Variants in NFAT5 observed in about 807,000 individuals in gnomAD.
NFAT5 encodes the protein nuclear factor of activated T cells 5, also known as nuclear factor of activated T-cells 5.
A neutral mutation model predicts 166.5 loss-of-function variants in NFAT5; 31 were observed. The ratio of observed to expected loss-of-function variants is 0.19; its 90% confidence interval spans 0.14 to 0.25. The LOEUF is 0.25. Ranked by LOEUF, NFAT5 falls within the 10% of genes least tolerant of loss-of-function variation. NFAT5 has a pLI of 1.00. For synonymous variants in NFAT5, 612 were observed against 639.7 expected (o/e 0.96, Z 0.65); for missense variants, 1,449 against 1,821.8 (o/e 0.80, Z 3.72).
chr16:69,616,054 C>T (rs1290289978), intron 2 of NFAT5, among the ~76,000 whole-genome samples: 1 of 152,106 alleles, frequency 6.6e-6, no homozygotes, highest in Non-Finnish European at 1.5e-5. Flanking sequence ...CTTCTGCTCC[C>T]TCAACCCCGA....
At position 69,568,494 on chromosome 16, in the gene NFAT5, G is replaced by T. The variant is rs200632318; in HGVS notation, c.74-1G>T. ...TACCTAATGCTTTTTGTGTTTTTCA[G>T]ATTCTCTGAAGTTACACCCATCACA... is the stretch of plus-strand genomic sequence containing the variant. On this transcript the variant is annotated splice_acceptor_variant, in intron 1 of 14. Coordinates refer to ENST00000349945, the MANE Select transcript of NFAT5 (RefSeq NM_138713.4). LOFTEE classifies it high-confidence loss of function. 92 of 1,611,400 alleles carry T rather than the reference G, an allele frequency of 5.7e-5. No individual in the cohort carries two copies. The East Asian group carries it at 2.0e-3, about 34-fold the overall frequency.
intron 10 of NFAT5, among the ~76,000 whole-genome samples, chr16:69,681,617 T>C (rs941713699): frequency 3.3e-5 from 5 of 152,080 alleles, no homozygotes; most frequent in Non-Finnish European, 5.9e-5. Flanking sequence ...AGGATAGTTG[T>C]ACAGAAAATC....
At chr16:69,640,659 G>A (rs1018391403) in intron 3 of NFAT5, among the ~76,000 whole-genome samples, 5 of 152,148 alleles carry the variant, frequency 3.3e-5, no homozygotes, top group South Asian at 2.1e-4. Context: ...AAGAAATAAC[G>A]AAGGTTGAAC....
chr16:69,680,719 TA>T (rs1164716979), intron 10 of NFAT5, among the ~76,000 whole-genome samples: 3 of 152,248 alleles, frequency 2.0e-5, no homozygotes, highest in African/African-American at 7.2e-5. Flanking sequence ...TACAGCTAAT[TA>T]GTCTTCCTGC....
At chr16:69,635,014 G>A (rs957627879) in intron 3 of NFAT5, among the ~76,000 whole-genome samples, 20 of 134,354 alleles carry the variant, frequency 1.5e-4, no homozygotes, top group South Asian at 2.4e-4. Context: ...AACCTCCTTT[G>A]TTAGTAAAGT....
At chr16:69,592,270 G>A (rs2032512712) in intron 2 of NFAT5, among the ~76,000 whole-genome samples, 1 of 151,800 alleles carries the variant, frequency 6.6e-6, no homozygotes, top group South Asian at 2.1e-4. Context: ...AGTAGAGACG[G>A]GGTTTCACCA....
In NFAT5 at chr16:69,692,776, C is replaced by A. The variant is rs2037599611; in HGVS notation, c.2951C>A (p.Thr984Asn). 6.2e-7 allele frequency: 1 copy of A among 1,614,210 alleles called. No homozygotes were observed. The highest frequency in any genetic ancestry group is 8.5e-7 in the Non-Finnish European group (1 of 1,180,032). ...CCTCCTGCAGTTTCTGGAAATGAAACTTCTACAACTACCACACAGCAGGTT... is the reference window on the plus strand; with the variant it reads ...CCTCCTGCAGTTTCTGGAAATGAAAATTCTACAACTACCACACAGCAGGTT... ...SSPPAVSGNE[T>N]STTTTQQVAT... The change falls in exon 13 of 15, where the codon ACT becomes AAT. Residue 984 changes from threonine to asparagine, a missense_variant. Transcript: ENST00000349945.
chr16:69,613,839 C>T (rs1019320197), intron 2 of NFAT5, among the ~76,000 whole-genome samples: 3 of 151,964 alleles, frequency 2.0e-5, no homozygotes, highest in African/African-American at 7.3e-5. Context: ...GTATTGTGTC[C>T]CTAGATCAGT....
chr16:69,566,378 A>G lies in NFAT5; in HGVS notation c.73+4A>G. ...CCCAAGTCCCTCTACTCGCGAGGTG[A>G]GTCAGGCTGTGGGGGGTGGGGCGTG... On this transcript the variant is annotated splice_donor_region_variant and intron_variant, in intron 1 of 14. Transcript: ENST00000349945. This position sits in a 1 kb window ranked among gnomAD's most constrained non-coding sequence, Gnocchi z 5.7. 1 of 1,219,896 alleles carries G rather than the reference A, an allele frequency of 8.2e-7. No individual in the cohort carries two copies. The highest frequency in any genetic ancestry group is 1.2e-6 in the Non-Finnish European group (1 of 845,798). The allele number at this position is 1,219,896 out of a possible 1,614,324, so 75.6% of individuals were successfully genotyped here.
chr16:69,666,821 G>A (rs933839970), intron 7 of NFAT5, among the ~76,000 whole-genome samples: 2 of 151,618 alleles, frequency 1.3e-5, no homozygotes, highest in Non-Finnish European at 1.5e-5. Flanking sequence ...CCCATTACTG[G>A]GTATATACCC....
At chr16:69,638,080 A>C (rs2035043504) in intron 3 of NFAT5, among the ~76,000 whole-genome samples, 1 of 152,086 alleles carries the variant, frequency 6.6e-6, no homozygotes, top group Non-Finnish European at 1.5e-5. Context: ...TTATCTGGGC[A>C]TGGTGGCAGG....
At chr16:69,661,756 T>C (rs2036155707) in intron 7 of NFAT5, among the ~76,000 whole-genome samples, 1 of 152,088 alleles carries the variant, frequency 6.6e-6, no homozygotes, top group Admixed American at 6.6e-5. Context: ...CAATTGATGA[T>C]TTGTTTTTGG....
chr16:69,631,588 G>A (rs142694067), intron 3 of NFAT5, among the ~76,000 whole-genome samples: 174 of 152,106 alleles, frequency 1.1e-3, no homozygotes, highest in African/African-American at 4.1e-3. Context: ...CTTTTTAGAA[G>A]TAACAGTACA....
chr16:69,580,724 C>T (rs2031621701), intron 2 of NFAT5, among the ~76,000 whole-genome samples: 2 of 152,026 alleles, frequency 1.3e-5, no homozygotes, highest in East Asian at 1.9e-4. Flanking sequence ...GGCATGATCT[C>T]GGCTCGCTGC....
At chr16:69,659,564 A>G (rs1342036805) in intron 6 of NFAT5, among the ~76,000 whole-genome samples, 163 bp from the exon 7 acceptor site, 1 of 152,250 alleles carries the variant, frequency 6.6e-6, no homozygotes, top group African/African-American at 2.4e-5. Flanking sequence ...GTGAATGTTT[A>G]GAATTTACCC....
chr16:69,679,570 A>G (rs1314174676), intron 10 of NFAT5, among the ~76,000 whole-genome samples: 3 of 151,884 alleles, frequency 2.0e-5, no homozygotes, highest in Non-Finnish European at 4.4e-5. Context: ...AGCCAAGATC[A>G]CACCACTATA....
At chr16:69,615,256 C>T (rs983995744) in intron 2 of NFAT5, among the ~76,000 whole-genome samples, 2 of 152,124 alleles carry the variant, frequency 1.3e-5, no homozygotes, top group Non-Finnish European at 2.9e-5. Flanking sequence ...GGCCAGGCTG[C>T]TCTCGAACTT....
intron 2 of NFAT5, among the ~76,000 whole-genome samples, chr16:69,569,521 G>C (rs572135016): frequency 6.6e-6 from 1 of 152,184 alleles, no homozygotes; most frequent in African/African-American, 2.4e-5. Context: ...CCGGGATAGT[G>C]GGGGGCAAGT....
At position 69,586,151 on chromosome 16, in the gene NFAT5, T is replaced by G. The variant is rs1018414787; in HGVS notation, c.127+17603T>G. 1.1e-4 allele frequency among the ~76,000 whole-genome samples: 16 copies of G among 152,290 alleles called. 2 individuals are homozygous for G. The highest frequency in any genetic ancestry group is 3.9e-4 in the East Asian group (2 of 5,168). On this transcript the variant is annotated intron_variant, in intron 2 of 14. Coordinates refer to ENST00000349945, the MANE Select transcript of NFAT5 (RefSeq NM_138713.4). ...AGGAGAATATTTTCATTTTTGCATT[T>G]AAAAGAATATAGTGTTTTAGTTGTC...
Sources: allele counts gnomAD v4.1 joint callset (sites outside exome capture counted in the v4.1 genomes callset), GRCh38; gene constraint gnomAD v4.1.1; non-coding constraint Gnocchi (gnomAD v3.1); transcripts MANE v1.5; gene names NCBI Gene and HGNC (gene_info 2026-07-23, HGNC 2026-07-21).